Variants in NCOA1 observed in about 807,000 individuals in gnomAD.
The protein encoded by NCOA1 is Hin-2 protein.
NCOA1 carries 35 observed loss-of-function variants against 150.9 expected under a neutral mutation model. The ratio of observed to expected loss-of-function variants is 0.23; its 90% CI spans 0.18 to 0.31. The LOEUF (loss-of-function observed/expected upper bound fraction) is 0.31. Among genes scored for constraint, NCOA1 ranks in the 10% least tolerant of loss-of-function variants. NCOA1 has a pLI of 1.00. For synonymous variants in NCOA1, 590 were observed against 630.0 expected, an observed-to-expected ratio of 0.94 and a Z score of 0.95; for missense variants, 1,491 against 1,749.3, an observed-to-expected ratio of 0.85 and a Z score of 2.63.
chr2:24,671,788 T>C (rs1317567933), intron 6 of NCOA1, among the ~76,000 whole-genome samples: 3 of 152,232 alleles, frequency 2.0e-5, no homozygotes, highest in Non-Finnish European at 4.4e-5. Flanking sequence ...CTCCAACTCC[T>C]GACCTCAGAT....
Position 24,729,753 on chromosome 2 carries a change from C to T in NCOA1, c.3139C>T (p.Pro1047Ser). 6.2e-7 allele frequency: 1 copy of T among 1,614,244 alleles called. No homozygotes were observed. The highest frequency in any genetic ancestry group is 8.5e-7 in the Non-Finnish European group (1 of 1,180,044). Reference sequence around the variant, plus strand: ...GCAGCCCAGGCAAACTCTAAACAGACCTCCGGCTGCACCTAACCAGCTTCG... The same window carrying T: ...GCAGCCCAGGCAAACTCTAAACAGATCTCCGGCTGCACCTAACCAGCTTCG... ...GMQPRQTLNRPPAAPNQLRLQ... is the reference protein window; with the variant it reads ...GMQPRQTLNRSPAAPNQLRLQ... The change falls in exon 17 of 23, where the codon CCT becomes TCT. Residue 1047 changes from proline (P) to serine (S), a missense_variant. Physicochemically the swap from Pro to Ser is moderately conservative, Grantham distance 74 (BLOSUM62 -1). This residue lies in a region of NCOA1 where 485 missense variants were observed against 522.8 expected (regional missense o/e 0.93). Transcript: ENST00000348332.
intron 1 of NCOA1, among the ~76,000 whole-genome samples, chr2:24,517,716 T>C (rs1039260286): frequency 7.9e-5 from 12 of 152,206 alleles, no homozygotes; most frequent in African/African-American, 2.9e-4. Flanking sequence ...TTGAACGTAG[T>C]TGTTGCTAGC....
chr2:24,533,803 G>A (rs1480544440), intron 1 of NCOA1, among the ~76,000 whole-genome samples: 1 of 152,156 alleles, frequency 6.6e-6, no homozygotes, highest in Non-Finnish European at 1.5e-5. Flanking sequence ...CAATTTGATT[G>A]TGGTGGATAA....
intron 1 of NCOA1, among the ~76,000 whole-genome samples, chr2:24,497,877 T>TTGC (rs892126179): frequency 2.0e-5 from 3 of 152,184 alleles, no homozygotes; most frequent in African/African-American, 7.2e-5. Flanking sequence ...TTGGAACAAA[T>TTGC]TGCTTGGTCA....
intron 10 of NCOA1, among the ~76,000 whole-genome samples, chr2:24,694,477 A>G (rs1461159428): frequency 1.3e-5 from 2 of 152,114 alleles, no homozygotes; most frequent in East Asian, 1.9e-4. Flanking sequence ...ATAAGATCCT[A>G]TTTCATTATG....
intron 2 of NCOA1, among the ~76,000 whole-genome samples, chr2:24,574,792 C>T (rs1419722636): frequency 1.3e-5 from 2 of 152,144 alleles, no homozygotes; most frequent in African/African-American, 2.4e-5. Flanking sequence ...GGTTCCCCCC[C>T]TTCCAATCTT....
At chr2:24,710,280 G>A (rs1673681947) in intron 13 of NCOA1, among the ~76,000 whole-genome samples, 1 of 151,934 alleles carries the variant, frequency 6.6e-6, no homozygotes, top group Non-Finnish European at 1.5e-5. Context: ...TTTTAGTAGA[G>A]ACGGGGTTGC....
intron 2 of NCOA1, among the ~76,000 whole-genome samples, chr2:24,576,833 T>C (rs1340742075): frequency 6.6e-6 from 1 of 152,218 alleles, no homozygotes; most frequent in Non-Finnish European, 1.5e-5. Context: ...TTTCACTTCA[T>C]GCATTCTCCT....
At chr2:24,514,529 G>A (rs377583336) in intron 1 of NCOA1, among the ~76,000 whole-genome samples, 1 of 151,980 alleles carries the variant, frequency 6.6e-6, no homozygotes, top group Non-Finnish European at 1.5e-5. Context: ...AGGACCAGGT[G>A]TGGTAGCTCA....
At chr2:24,729,451 C>A (rs201335652) in intron 16 of NCOA1, 50 bp from the exon 17 acceptor site, 1 of 1,518,106 alleles carries the variant, frequency 6.6e-7, no homozygotes, top group South Asian at 1.2e-5. Context: ...AAGCATGTTA[C>A]TTATTGGCAG....
intron 3 of NCOA1, among the ~76,000 whole-genome samples, chr2:24,592,646 C>G (rs1667707974): frequency 7.3e-6 from 1 of 137,252 alleles, no homozygotes; most frequent in Admixed American, 8.1e-5. Flanking sequence ...TGTAGAGGCT[C>G]CTTGGGAGCT....
At chr2:24,534,494 T>A (rs1047400218) in intron 1 of NCOA1, among the ~76,000 whole-genome samples, 23 of 152,212 alleles carry the variant, frequency 1.5e-4, no homozygotes, top group Admixed American at 1.2e-3. Context: ...TCTGCTAGCT[T>A]TTGAATTTGT....
chr2:24,658,536 G>T (rs1243287060), intron 4 of NCOA1, 125 bp from the exon 5 acceptor site: 32 of 627,958 alleles, frequency 5.1e-5, no homozygotes, highest in Non-Finnish European at 9.2e-5. Context: ...TATGATGGCT[G>T]TAATTATCTA....
intron 7 of NCOA1, among the ~76,000 whole-genome samples, chr2:24,677,635 T>C (rs1170829978): frequency 6.6e-6 from 1 of 152,026 alleles, no homozygotes; most frequent in African/African-American, 2.4e-5. Context: ...TGTTGGCCAG[T>C]CTGGTCTCGA....
chr2:24,710,283 G>T (rs190050204), intron 13 of NCOA1, among the ~76,000 whole-genome samples: 1 of 151,922 alleles, frequency 6.6e-6, no homozygotes, highest in African/African-American at 2.4e-5. Flanking sequence ...TAGTAGAGAC[G>T]GGGTTGCCAT....
intron 3 of NCOA1, among the ~76,000 whole-genome samples, chr2:24,605,485 T>C (rs750835130): frequency 1.3e-5 from 2 of 152,254 alleles, no homozygotes; most frequent in African/African-American, 2.4e-5. Context: ...TGACAGTTTG[T>C]TCTATTGTTG....
intron 19 of NCOA1, among the ~76,000 whole-genome samples, chr2:24,751,701 A>G (rs1267465338): frequency 1.3e-5 from 2 of 152,200 alleles, no homozygotes; most frequent in Non-Finnish European, 2.9e-5. Flanking sequence ...ATCATATACA[A>G]TCCTGCTGCA....
intron 3 of NCOA1, among the ~76,000 whole-genome samples, chr2:24,633,165 T>C (rs188152352): frequency 3.2e-4 from 49 of 152,074 alleles, no homozygotes; most frequent in Non-Finnish European, 6.0e-4. Flanking sequence ...CATATATATA[T>C]ACAAATACCC....
intron 3 of NCOA1, among the ~76,000 whole-genome samples, chr2:24,637,156 T>G (rs923994897): frequency 6.6e-6 from 1 of 151,136 alleles, no homozygotes; most frequent in Admixed American, 6.6e-5. Flanking sequence ...TATGTATACA[T>G]GTGCCATGCT....
Sources: allele counts gnomAD v4.1 joint callset (sites outside exome capture counted in the v4.1 genomes callset), GRCh38; gene constraint gnomAD v4.1.1; regional missense constraint gnomAD v4.1.1; transcripts MANE v1.5; gene names NCBI Gene and HGNC (gene_info 2026-07-23, HGNC 2026-07-21).